Variants in LRMDA observed in about 807,000 individuals in gnomAD.
The protein encoded by LRMDA is leucine rich melanocyte differentiation associated, also known as leucine-rich melanocyte differentiation-associated protein.
A neutral mutation model predicts 29.8 loss-of-function variants in LRMDA; 18 were observed. The observed-to-expected ratio is 0.60, with a 90% confidence interval of 0.42 to 0.90. The LOEUF (loss-of-function observed/expected upper bound fraction) is 0.90, where lower values mean the gene tolerates loss of function less well. Ranked by LOEUF, LRMDA falls within the 40% of genes least tolerant of loss-of-function variation. The pLI is 0.00. For missense variants in LRMDA, 273 were observed against 273.9 expected, an observed-to-expected ratio of 1.00 and a Z score of 0.02; for synonymous variants, 125 against 109.4, an observed-to-expected ratio of 1.14 and a Z score of -0.89.
chr10:75,658,316 A>C (rs1589148864), intron 2 of LRMDA, among the ~76,000 whole-genome samples: 1 of 143,404 alleles, frequency 7.0e-6, no homozygotes, highest in African/African-American at 2.7e-5. Flanking sequence ...AAAAAAAGGG[A>C]GGCAGGGAAG....
At chr10:76,214,927 G>T (rs1331546656) in intron 5 of LRMDA, among the ~76,000 whole-genome samples, 1 of 152,186 alleles carries the variant, frequency 6.6e-6, no homozygotes, top group South Asian at 2.1e-4. Flanking sequence ...CATAAATTCT[G>T]CCTGGATTAA....
chr10:75,697,321 CTT>C (rs72000719), intron 2 of LRMDA, among the ~76,000 whole-genome samples: 3 of 145,004 alleles, frequency 2.1e-5, no homozygotes. Context: ...TTTATTTTAC[CTT>C]TTTTTTTTTT....
intron 2 of LRMDA, among the ~76,000 whole-genome samples, chr10:75,877,321 G>A (rs1206391161): frequency 1.3e-5 from 2 of 152,216 alleles, no homozygotes; most frequent in African/African-American, 4.8e-5. Context: ...GGCAGTGGAG[G>A]TGTCTGCCTT....
intron 6 of LRMDA, among the ~76,000 whole-genome samples, chr10:76,481,883 A>G (rs574061305): frequency 1.3e-5 from 2 of 151,966 alleles, no homozygotes; most frequent in Admixed American, 6.6e-5. Context: ...GACCCCAAAC[A>G]TTATATACCT....
intron 6 of LRMDA, among the ~76,000 whole-genome samples, chr10:76,523,652 G>A (rs1479642688): frequency 6.6e-6 from 1 of 152,136 alleles, no homozygotes; most frequent in Non-Finnish European, 1.5e-5. Flanking sequence ...TGTTATTTAT[G>A]GTCCTCGTTC....
chr10:75,787,839 C>G (rs1030879998), intron 2 of LRMDA, among the ~76,000 whole-genome samples: 23 of 152,168 alleles, frequency 1.5e-4, no homozygotes, highest in African/African-American at 5.3e-4. Context: ...ACCATCCTGG[C>G]TAACACGGTG....
intron 2 of LRMDA, among the ~76,000 whole-genome samples, chr10:75,760,255 A>C (rs1483989172): frequency 2.0e-5 from 3 of 152,194 alleles, no homozygotes; most frequent in Non-Finnish European, 2.9e-5. Context: ...TCAATAGTTA[A>C]AATTTGGAGT....
intron 6 of LRMDA, among the ~76,000 whole-genome samples, chr10:76,534,643 T>C (rs968076184): frequency 1.3e-5 from 2 of 152,220 alleles, no homozygotes; most frequent in Non-Finnish European, 2.9e-5. Context: ...AGTTATAAGA[T>C]GGCTCATTAT....
chr10:75,784,703 GAAAAAAAA>G (rs373995294), intron 2 of LRMDA, among the ~76,000 whole-genome samples: 38 of 100,518 alleles, frequency 3.8e-4, no homozygotes, highest in African/African-American at 1.4e-3. Flanking sequence ...CTCCATCTCA[GAAAAAAAA>G]AAAAAAAGAA....
chr10:75,908,398 C>T (rs1010667591), intron 2 of LRMDA, among the ~76,000 whole-genome samples: 15 of 152,166 alleles, frequency 9.9e-5, no homozygotes, highest in African/African-American at 3.6e-4. Flanking sequence ...AGCTTCTACT[C>T]ATTTGTATAG....
At chr10:75,980,570 C>T (rs933532975) in intron 2 of LRMDA, among the ~76,000 whole-genome samples, 3 of 152,090 alleles carry the variant, frequency 2.0e-5, no homozygotes, top group Non-Finnish European at 2.9e-5. Flanking sequence ...ATCCTGGACC[C>T]GTGCGTGTCT....
chr10:76,529,043 C>T lies in LRMDA; in HGVS notation c.602-28166C>T, dbSNP rs150153025. 5.3e-5 allele frequency among the ~76,000 whole-genome samples: 8 copies of T among 152,218 alleles called. No homozygotes were observed. The South Asian group carries it at 6.2e-4, about 12-fold the overall frequency. ...ACTCTGCCATTCAACAGCAGGTTGA[C>T]GTTAAGAAAATCTCGCATGTCAATG... On this transcript the variant is annotated intron_variant, in intron 6 of 6. Transcript: ENST00000611255.
intron 6 of LRMDA, among the ~76,000 whole-genome samples, chr10:76,399,424 C>G (rs1213406543): frequency 2.6e-5 from 4 of 152,196 alleles, no homozygotes; most frequent in African/African-American, 9.6e-5. Flanking sequence ...AGAATTCCCA[C>G]AAGAAGAGAG....
At chr10:75,690,333 T>G (rs1842129640) in intron 2 of LRMDA, among the ~76,000 whole-genome samples, 1 of 152,150 alleles carries the variant, frequency 6.6e-6, no homozygotes, top group Admixed American at 6.5e-5. Flanking sequence ...AGAGTCTGGG[T>G]CTTGCTCTGT....
At chr10:76,444,964 T>C (rs1023049678) in intron 6 of LRMDA, among the ~76,000 whole-genome samples, 9 of 152,186 alleles carry the variant, frequency 5.9e-5, no homozygotes, top group African/African-American at 2.2e-4. Context: ...TATATCCATA[T>C]ATATTTATAT....
chr10:76,248,992 C>T (rs1374991983), intron 5 of LRMDA, among the ~76,000 whole-genome samples: 1 of 152,154 alleles, frequency 6.6e-6, no homozygotes, highest in Admixed American at 6.6e-5. Flanking sequence ...AACCATGTTC[C>T]TTACAGCCTA....
intron 2 of LRMDA, among the ~76,000 whole-genome samples, chr10:75,734,564 T>G (rs1261118708): frequency 1.3e-5 from 2 of 152,236 alleles, no homozygotes; most frequent in African/African-American, 2.4e-5. Context: ...TTTGGGATTT[T>G]GAAAATAAAT....
At chr10:75,951,222 T>G (rs1407704743) in intron 2 of LRMDA, among the ~76,000 whole-genome samples, 1 of 152,236 alleles carries the variant, frequency 6.6e-6, no homozygotes, top group African/African-American at 2.4e-5. Flanking sequence ...ATTTTAAAAG[T>G]ACTTAGTATG....
rs71024600 is a variant in LRMDA at position 76,376,865 on chromosome 10, CTTTT to C, written c.601+52415_601+52418del. Among the ~76,000 whole-genome samples, 135 of 47,384 alleles carry C rather than the reference CTTTT, an allele frequency of 2.8e-3. 55 individuals carry two copies. Among genetic ancestry groups the C allele is most frequent in the African/African-American group, 7.3e-3 (83 of 11,438 alleles). The allele number at this position is 47,384 out of a possible 152,430, so 31.1% of individuals were successfully genotyped here. A position where few individuals can be genotyped will look rare whatever the true frequency, so the allele number is the denominator to read the frequency against. On this transcript the variant is annotated intron_variant, in intron 6 of 6. Coordinates refer to ENST00000611255, the MANE Select transcript of LRMDA (RefSeq NM_001305581.2). The stretch of plus-strand genomic sequence containing the variant: ...AAATGTTTGTTGGGCACTTGGAAGT[CTTTT>C]TTTTTTTTTTTTTTTTTTTTTTTTT...
Sources: gnomAD v4.1 joint callset for allele counts (sites outside exome capture counted in the v4.1 genomes callset) on GRCh38, gnomAD v4.1.1 for gene constraint, MANE v1.5 for transcripts, NCBI Gene and HGNC (gene_info 2026-07-23, HGNC 2026-07-21) for gene names.